Variants in CCR3 observed in about 807,000 individuals in gnomAD.
The protein encoded by CCR3 is C-C motif chemokine receptor 3.
For synonymous variants in CCR3, 203 were observed against 179.2 expected (o/e 1.13, Z -1.06); for missense variants, 419 against 437.5 (o/e 0.96, Z 0.38).
intron 2 of CCR3, among the ~76,000 whole-genome samples, chr3:46,211,974 C>T (rs1005159703): frequency 2.6e-5 from 4 of 152,128 alleles, no homozygotes; most frequent in African/African-American, 9.7e-5. Flanking sequence ...TTTGATACCC[C>T]CTCCTGTGTC....
chr3:46,252,827 G>A (rs1700342807), intron 1 of CCR3, among the ~76,000 whole-genome samples: 1 of 152,024 alleles, frequency 6.6e-6, no homozygotes, highest in Non-Finnish European at 1.5e-5. Flanking sequence ...TAAAGAACTT[G>A]CAACTAAGGA....
chr3:46,228,382 G>A (rs1699927514), intron 2 of CCR3, among the ~76,000 whole-genome samples: 1 of 152,064 alleles, frequency 6.6e-6, no homozygotes, highest in Admixed American at 6.6e-5. Context: ...TGAATGCAGA[G>A]GCTATAGTAA....
intron 1 of CCR3, among the ~76,000 whole-genome samples, chr3:46,262,206 C>G (rs3091310): frequency 0.058 from 8,767 of 152,266 alleles, 389 homozygotes; most frequent in South Asian, 0.19. Flanking sequence ...ATGAATGAAT[C>G]AAGAGAAGTT....
chr3:46,224,685 C>T (rs184438249), intron 2 of CCR3, among the ~76,000 whole-genome samples: 212 of 142,390 alleles, frequency 1.5e-3, no homozygotes, highest in African/African-American at 4.9e-3. Flanking sequence ...TGCAGTGAGC[C>T]GAGATCATGC....
At chr3:46,224,864 C>A (rs548230843) in intron 2 of CCR3, among the ~76,000 whole-genome samples, 4 of 151,492 alleles carry the variant, frequency 2.6e-5, no homozygotes, top group Non-Finnish European at 5.9e-5. Context: ...TAAATTGGTA[C>A]AACCACTTGA....
At chr3:46,231,232 A>G (rs35636998) in intron 2 of CCR3, among the ~76,000 whole-genome samples, 19,488 of 152,206 alleles carry the variant, frequency 0.13, 1,506 homozygotes, top group East Asian at 0.27. Context: ...CCAGATTTTG[A>G]CAAGTTTTAA....
chr3:46,216,934 A>C (rs747261079), intron 2 of CCR3, among the ~76,000 whole-genome samples: 5 of 152,196 alleles, frequency 3.3e-5, no homozygotes, highest in Non-Finnish European at 7.4e-5. Context: ...CCTATAAAAC[A>C]ATAACACAAT....
At chr3:46,246,863 G>C (rs1380941931) in intron 1 of CCR3, among the ~76,000 whole-genome samples, 1 of 152,148 alleles carries the variant, frequency 6.6e-6, no homozygotes, top group Admixed American at 6.5e-5. Flanking sequence ...ATTAGGGGCG[G>C]CGTGGGAACC....
chr3:46,228,903 C>G (rs11919363), intron 2 of CCR3, among the ~76,000 whole-genome samples: 3,354 of 152,338 alleles, frequency 0.022, 113 homozygotes, highest in African/African-American at 0.067. Flanking sequence ...TATGTGTATT[C>G]TTACCATGTG....
intron 2 of CCR3, among the ~76,000 whole-genome samples, chr3:46,224,451 A>G (rs1699871010): frequency 7.2e-6 from 1 of 139,840 alleles, no homozygotes; most frequent in South Asian, 2.4e-4. Context: ...AAAAATACAA[A>G]AATTAGCTGG....
At chr3:46,245,180 C>A (rs1372942851) in intron 1 of CCR3, among the ~76,000 whole-genome samples, 1 of 151,926 alleles carries the variant, frequency 6.6e-6, no homozygotes, top group Non-Finnish European at 1.5e-5. Flanking sequence ...AATACCAATT[C>A]TGGGAAATGT....
intron 1 of CCR3, among the ~76,000 whole-genome samples, chr3:46,255,542 G>A (rs541445156): frequency 3.9e-5 from 6 of 152,132 alleles, no homozygotes; most frequent in Non-Finnish European, 8.8e-5. Context: ...TTAGATTTAA[G>A]TCTTTGATCC....
chr3:46,219,484 C>T (rs975794445), intron 2 of CCR3, among the ~76,000 whole-genome samples: 2 of 151,916 alleles, frequency 1.3e-5, no homozygotes, highest in South Asian at 4.2e-4. Context: ...GAAAAAAAAT[C>T]CTATAATTCA....
chr3:46,245,730 T>C (rs1700176393), intron 1 of CCR3, among the ~76,000 whole-genome samples: 1 of 145,840 alleles, frequency 6.9e-6, no homozygotes, highest in East Asian at 2.1e-4. Flanking sequence ...AGTAGACCCC[T>C]GTGTCTGTTG....
At chr3:46,247,362 G>C (rs1197476676) in intron 1 of CCR3, among the ~76,000 whole-genome samples, 1 of 152,178 alleles carries the variant, frequency 6.6e-6, no homozygotes, top group Admixed American at 6.5e-5. Flanking sequence ...TAATGAAAAG[G>C]AGCATCTATA....
At chr3:46,227,154 G>A (rs562380590) in intron 2 of CCR3, among the ~76,000 whole-genome samples, 1 of 152,048 alleles carries the variant, frequency 6.6e-6, no homozygotes, top group Admixed American at 6.6e-5. Flanking sequence ...AAAGTGCTGG[G>A]ATTACAGACC....
At chr3:46,223,010 G>A (rs1393042762) in intron 2 of CCR3, among the ~76,000 whole-genome samples, 2 of 152,198 alleles carry the variant, frequency 1.3e-5, no homozygotes, top group African/African-American at 4.8e-5. Context: ...AAAACTCCCT[G>A]TCCAGGTCCA....
At chr3:46,244,838 C>T (rs1349289457) in intron 1 of CCR3, among the ~76,000 whole-genome samples, 1 of 152,164 alleles carries the variant, frequency 6.6e-6, no homozygotes, top group African/African-American at 2.4e-5. Context: ...TTATAACATA[C>T]ATGGTACCTG....
chr3:46,220,961 C>G (rs1699829253), intron 2 of CCR3, among the ~76,000 whole-genome samples: 1 of 152,144 alleles, frequency 6.6e-6, no homozygotes, highest in Admixed American at 6.5e-5. Flanking sequence ...AGGAACTTAT[C>G]CATGTAACCA....
Sources: gnomAD v4.1 joint callset for allele counts (sites outside exome capture counted in the v4.1 genomes callset) on GRCh38, gnomAD v4.1.1 for gene constraint, MANE v1.5 for transcripts, NCBI Gene and HGNC (gene_info 2026-07-23, HGNC 2026-07-21) for gene names.